Variants in GRIA4 observed in about 807,000 individuals in gnomAD.
GRIA4 encodes the protein glutamate receptor 4.
GRIA4 carries 34 observed loss-of-function variants against 104.0 expected under a neutral mutation model. That is an observed-to-expected ratio of 0.33 (90% CI 0.25 to 0.44). The LOEUF is 0.44. GRIA4 is among the 20% of genes least tolerant of loss of function. The pLI is 1.00. For missense variants in GRIA4, 750 were observed against 1,096.5 expected, an observed-to-expected ratio of 0.68 and a Z score of 4.46; for synonymous variants, 386 against 381.9, an observed-to-expected ratio of 1.01 and a Z score of -0.13.
intron 3 of GRIA4, among the ~76,000 whole-genome samples, chr11:105,649,680 T>G (rs1206755353): frequency 3.3e-5 from 5 of 152,134 alleles, no homozygotes; most frequent in Non-Finnish European, 7.4e-5. Flanking sequence ...TTTGTGGACA[T>G]TATTGTACAA....
intron 3 of GRIA4, among the ~76,000 whole-genome samples, chr11:105,646,256 G>A (rs1010235771): frequency 1.3e-4 from 20 of 152,134 alleles, no homozygotes; most frequent in African/African-American, 4.6e-4. Flanking sequence ...AACTTAGTAG[G>A]AAATTTATCG....
intron 4 of GRIA4, among the ~76,000 whole-genome samples, chr11:105,836,436 A>T (rs966542721): frequency 2.0e-5 from 3 of 152,216 alleles, no homozygotes; most frequent in African/African-American, 7.2e-5. Context: ...TAATATGAGG[A>T]GCATAGCCTA....
At chr11:105,771,105 TG>T (rs1421416208) in intron 4 of GRIA4, among the ~76,000 whole-genome samples, 1 of 152,008 alleles carries the variant, frequency 6.6e-6, no homozygotes, top group Non-Finnish European at 1.5e-5. Flanking sequence ...CTCTATAACT[TG>T]TACTCTCTTA....
chr11:105,870,644 G>A (rs760806611), intron 5 of GRIA4, among the ~76,000 whole-genome samples: 1 of 151,992 alleles, frequency 6.6e-6, no homozygotes, highest in Non-Finnish European at 1.5e-5. Context: ...TGGCATGTGT[G>A]AGAACAGGGT....
At chr11:105,977,720 ATAGT>A (rs1466748403) in intron 16 of GRIA4, among the ~76,000 whole-genome samples, 1 of 152,066 alleles carries the variant, frequency 6.6e-6, no homozygotes, top group Admixed American at 6.6e-5. Flanking sequence ...CTTGATATAA[ATAGT>A]CCTGCTTTGC....
At chr11:105,778,478 G>A (rs914873422) in intron 4 of GRIA4, among the ~76,000 whole-genome samples, 8 of 152,180 alleles carry the variant, frequency 5.3e-5, no homozygotes, top group Non-Finnish European at 1.2e-4. Flanking sequence ...AGGCCGAGGT[G>A]GGAGGATCAC....
chr11:105,794,561 T>G (rs1469180712), intron 4 of GRIA4, among the ~76,000 whole-genome samples: 1 of 140,652 alleles, frequency 7.1e-6, no homozygotes, highest in African/African-American at 2.6e-5. Context: ...TATACATATC[T>G]ATCTATATCT....
intron 3 of GRIA4, among the ~76,000 whole-genome samples, chr11:105,696,331 C>G (rs770380353): frequency 3.3e-5 from 5 of 152,158 alleles, no homozygotes; most frequent in Non-Finnish European, 5.9e-5. Context: ...GTTTTGAGGA[C>G]AAGGGCGATG....
At chr11:105,695,460 CTGTGTGTGTGTGTGTGTCTG>C (rs1200505023) in intron 3 of GRIA4, among the ~76,000 whole-genome samples, 104 of 124,756 alleles carry the variant, frequency 8.3e-4, no homozygotes, top group Non-Finnish European at 1.4e-3. Flanking sequence ...GTGTGTGTGT[CTGTGTGTGTGTGTGTGTCTG>C]TGTGTGTGTG....
intron 4 of GRIA4, among the ~76,000 whole-genome samples, chr11:105,847,425 T>C (rs1591343202): frequency 1.3e-5 from 2 of 152,168 alleles, no homozygotes; most frequent in Non-Finnish European, 2.9e-5. Context: ...GCACAAGCTA[T>C]AGTGTAAAAT....
intron 4 of GRIA4, among the ~76,000 whole-genome samples, chr11:105,813,888 T>TGA (rs917072714): frequency 1.3e-4 from 19 of 151,992 alleles, no homozygotes; most frequent in African/African-American, 3.9e-4. Context: ...CTCTGTCTCA[T>TGA]GAGAGAGAGA....
chr11:105,909,610 G>A lies in GRIA4; in HGVS notation c.1159-825G>A, dbSNP rs114953850. ...TGGGTATGTGTATTAACTTTAAGACGTATACTTTTAAAAAGCATTGAGTAC... is the reference window on the plus strand; with the variant it reads ...TGGGTATGTGTATTAACTTTAAGACATATACTTTTAAAAAGCATTGAGTAC... On this transcript the variant is annotated intron_variant, in intron 9 of 16. Coordinates refer to ENST00000282499, the MANE Select transcript of GRIA4 (RefSeq NM_000829.4). Among the ~76,000 whole-genome samples, 1,224 of 152,120 alleles carry A rather than the reference G, an allele frequency of 8.0e-3. 25 individuals are homozygous for A. Among genetic ancestry groups the A allele is most frequent in the African/African-American group, 0.026 (1,096 of 41,500 alleles).
Position 105,663,284 on chromosome 11 carries a change from A to G in GRIA4, c.247+50850A>G, listed in dbSNP as rs190764156. Among the ~76,000 whole-genome samples, 60 of 152,052 alleles carry G rather than the reference A, an allele frequency of 3.9e-4. 1 individual carries two copies. The highest frequency in any genetic ancestry group is 2.2e-3 in the Admixed American group (34 of 15,204). ...AAGAAAATTAATTATAAAGCTCACA[A>G]TAGTACGTTAGTTCAACAACTAGTT... is the stretch of plus-strand genomic sequence containing the variant. On this transcript the variant is annotated intron_variant, in intron 3 of 16. Coordinates refer to ENST00000282499, the MANE Select transcript of GRIA4 (RefSeq NM_000829.4).
chr11:105,836,893 T>C (rs1312422116), intron 4 of GRIA4, among the ~76,000 whole-genome samples: 1 of 152,176 alleles, frequency 6.6e-6, no homozygotes, highest in Non-Finnish European at 1.5e-5. Flanking sequence ...TCAACATTTT[T>C]ATAGTAGTCT....
intron 3 of GRIA4, among the ~76,000 whole-genome samples, chr11:105,654,782 A>G (rs1229773754): frequency 1.3e-5 from 2 of 152,154 alleles, no homozygotes; most frequent in Non-Finnish European, 2.9e-5. Context: ...AGGTCTGAGT[A>G]CCTAGTAAGT....
At chr11:105,890,293 G>A (rs889879797) in intron 6 of GRIA4, among the ~76,000 whole-genome samples, 1 of 152,100 alleles carries the variant, frequency 6.6e-6, no homozygotes, top group Non-Finnish European at 1.5e-5. Flanking sequence ...CTTTAAAAAT[G>A]ATAATCTTTT....
chr11:105,618,884 G>C (rs1026976185), intron 3 of GRIA4, among the ~76,000 whole-genome samples: 1 of 151,246 alleles, frequency 6.6e-6, no homozygotes, highest in Non-Finnish European at 1.5e-5. Context: ...GAGGAGAAGG[G>C]GTCACAGAAT....
chr11:105,887,883 A>T (rs1946322663), intron 6 of GRIA4, among the ~76,000 whole-genome samples: 1 of 152,238 alleles, frequency 6.6e-6, no homozygotes, highest in South Asian at 2.1e-4. Context: ...AGACAAAGAT[A>T]GCCAATATTT....
chr11:105,931,146 T>C (rs1420740950), intron 13 of GRIA4, among the ~76,000 whole-genome samples: 2 of 152,104 alleles, frequency 1.3e-5, no homozygotes, highest in Non-Finnish European at 2.9e-5. Flanking sequence ...GCATTCCTAG[T>C]GGATTCTGTA....
Sources: allele counts gnomAD v4.1 joint callset (sites outside exome capture counted in the v4.1 genomes callset), GRCh38; gene constraint gnomAD v4.1.1; transcripts MANE v1.5; gene names NCBI Gene and HGNC (gene_info 2026-07-23, HGNC 2026-07-21).